FDFT1: variants seen among roughly 807,000 people sequenced by gnomAD.
FDFT1 encodes the protein farnesyl-diphosphate farnesyltransferase 1.
FDFT1 carries 68 observed loss-of-function variants against 46.8 expected under a neutral mutation model. The observed-to-expected ratio is 1.45, with a 90% CI of 1.19 to 1.78. The LOEUF (loss-of-function observed/expected upper bound fraction) is 1.78. Among genes scored for constraint, FDFT1 ranks in the 40% most tolerant of loss-of-function variants. The probability of loss-of-function intolerance (pLI) is 0.00; values close to 1 mark genes in which losing one functional copy is unlikely to be tolerated. For synonymous variants in FDFT1, 351 were observed against 185.1 expected, an observed-to-expected ratio of 1.90 and a Z score of -7.28; for missense variants, 928 against 524.4, an observed-to-expected ratio of 1.77 and a Z score of -7.52.
chr8:11,837,733 T>A (rs904714371), intron 7 of FDFT1, among the ~76,000 whole-genome samples: 1 of 151,976 alleles, frequency 6.6e-6, no homozygotes, highest in African/African-American at 2.4e-5. Flanking sequence ...AGCAGACAGG[T>A]AGATTTGGGA....
At chr8:11,801,422 C>T (rs991743041), upstream of FDFT1, among the ~76,000 whole-genome samples, 2 of 152,166 alleles carry the variant, frequency 1.3e-5, no homozygotes, top group Non-Finnish European at 2.9e-5. Flanking sequence ...TGTGTTCAAG[C>T]GATTCTCCTG....
chr8:11,813,154 T>TA (rs374567892), intron 3 of FDFT1, among the ~76,000 whole-genome samples: 2 of 152,268 alleles, frequency 1.3e-5, no homozygotes, highest in East Asian at 1.9e-4. Flanking sequence ...AACAGGGTGT[T>TA]ACAGTCTTAA....
At chr8:11,814,004 A>C (rs926506508) in intron 3 of FDFT1, among the ~76,000 whole-genome samples, 45 of 152,204 alleles carry the variant, frequency 3.0e-4, no homozygotes, top group Non-Finnish European at 4.1e-4. Flanking sequence ...TACGTAATAA[A>C]TAATAAAAAG....
intron 3 of FDFT1, among the ~76,000 whole-genome samples, chr8:11,817,729 T>C (rs937139186): frequency 6.6e-6 from 1 of 152,212 alleles, no homozygotes; most frequent in Non-Finnish European, 1.5e-5. Flanking sequence ...TATCATTTTT[T>C]ATTACGTCTT....
rs376478508 is a variant in FDFT1 at position 11,832,862 on chromosome 8, T to C, written c.1032+1192T>C. On this transcript the variant is annotated intron_variant, in intron 7 of 7. Transcript: ENST00000220584. Reference sequence around the variant, plus strand: ...TCATTTTTCCTTTGCCTGAGCTCCCTCCCCAGAGGTTACCTCTGTTCATGG... The same window carrying C: ...TCATTTTTCCTTTGCCTGAGCTCCCCCCCCAGAGGTTACCTCTGTTCATGG... 4.1e-4 allele frequency among the ~76,000 whole-genome samples: 63 copies of C among 152,288 alleles called. 2 individuals are homozygous for C. The South Asian group carries it at 0.011, about 28-fold the overall frequency.
At chr8:11,829,718 G>C (rs1810508454) in intron 5 of FDFT1, among the ~76,000 whole-genome samples, 1 of 152,142 alleles carries the variant, frequency 6.6e-6, no homozygotes, top group African/African-American at 2.4e-5. Context: ...CTCACTTCCA[G>C]GTTGCAACTG....
rs919193674 is a variant in FDFT1 at position 11,830,254 on chromosome 8, G to C, written c.713G>C (p.Arg238Thr). 2.5e-6 allele frequency: 4 copies of C among 1,613,666 alleles called. No homozygotes were observed. Among genetic ancestry groups the C allele is most frequent in the Admixed American group, 1.7e-5 (1 of 60,012 alleles). The change falls in exon 6 of 8, where the codon AGG becomes ACG. Residue 238 changes from arginine to threonine, a missense_variant. Coordinates refer to ENST00000220584, the MANE Select transcript of FDFT1 (RefSeq NM_004462.5). ...REFWPQEVWS[R>T]YVKKLGDFAK... Reference sequence around the variant, plus strand: ...TTCTTATCTGTCTAGGTTTGGAGCAGGTATGTTAAGAAGTTAGGGGATTTT... The same window carrying C: ...TTCTTATCTGTCTAGGTTTGGAGCACGTATGTTAAGAAGTTAGGGGATTTT...
chr8:11,809,491 G>A (rs1168474389), intron 2 of FDFT1, 176 bp from the exon 3 acceptor site: 14 of 1,338,054 alleles, frequency 1.0e-5, no homozygotes, highest in Non-Finnish European at 1.3e-5. Context: ...TTACTCTCAT[G>A]TAAGGAAGGA....
intron 4 of FDFT1, among the ~76,000 whole-genome samples, chr8:11,822,304 C>T (rs984768512): frequency 2.0e-4 from 30 of 151,816 alleles, no homozygotes; most frequent in Non-Finnish European, 1.5e-5. Flanking sequence ...ACATTTCAGA[C>T]ATCTAAAGTG....
Position 11,803,571 on chromosome 8 carries a change from G to A in FDFT1, c.99+640G>A, listed in dbSNP as rs1419555581. 4.3e-6 allele frequency: 4 copies of A among 921,510 alleles called. No homozygotes were observed. In the African/African-American group the frequency reaches 5.2e-5, roughly 12 times the overall value. The allele number at this position is 921,510 out of a possible 1,614,324, so 57.1% of individuals were successfully genotyped here. The stretch of plus-strand genomic sequence containing the variant: ...TATCTGCCTCATGCCTGTACTATTT[G>A]TTTAATGAATGCATAGGAGGTGTTT... On this transcript the variant is annotated intron_variant, in intron 1 of 7. Coordinates refer to ENST00000220584, the MANE Select transcript of FDFT1 (RefSeq NM_004462.5).
chr8:11,803,064 C>T (rs992986764), intron 1 of FDFT1, 133 bp downstream of exon 1: 78 of 1,453,546 alleles, frequency 5.4e-5, no homozygotes, highest in Non-Finnish European at 5.7e-5. Context: ...GTTCCCGTCC[C>T]CCTTTCCTCG....
At chr8:11,810,248 A>G (rs1337989224) in intron 3 of FDFT1, among the ~76,000 whole-genome samples, 1 of 152,164 alleles carries the variant, frequency 6.6e-6, no homozygotes, top group Non-Finnish European at 1.5e-5. Flanking sequence ...GTCAAATTTT[A>G]GTGTTGTGAA....
intron 3 of FDFT1, among the ~76,000 whole-genome samples, chr8:11,813,219 A>T (rs982033750): frequency 6.6e-6 from 1 of 152,236 alleles, no homozygotes; most frequent in Admixed American, 6.5e-5. Context: ...TATACAGTAC[A>T]TGAGCACGTA....
At chr8:11,808,768 C>T (rs1284336395) in intron 1 of FDFT1, 26 bp from the exon 2 acceptor site, 1 of 1,601,922 alleles carries the variant, frequency 6.2e-7, no homozygotes, top group Non-Finnish European at 8.5e-7. Flanking sequence ...ACGTCTCCCA[C>T]CGCCGTGTGT....
upstream of FDFT1, among the ~76,000 whole-genome samples, chr8:11,801,123 C>G (rs1359352045): frequency 2.9e-4 from 44 of 152,110 alleles, no homozygotes. Context: ...GTTAGTCAAG[C>G]CAGTATCTGG....
rs879802170 is a variant in FDFT1, at chr8:11,808,346, C to G, written c.100-448C>G. 997 of 1,233,712 alleles carry G rather than the reference C, an allele frequency of 8.1e-4. 2 individuals carry two copies. The highest frequency in any genetic ancestry group is 9.8e-4 in the Non-Finnish European group (967 of 989,666). 76.4% of individuals were successfully genotyped at this position (1,233,712 alleles called of 1,614,324 possible). A position where few individuals can be genotyped will look rare whatever the true frequency, so the allele number is the denominator to read the frequency against. On this transcript the variant is annotated intron_variant, in intron 1 of 7. Transcript: ENST00000220584. ...AGAAGGGCAACAGCGGGAGGAGGCG[C>G]CGGTGCGGAGCGGGAGGCCGGGGGC...
Position 11,830,321 on chromosome 8 carries a change from T to C in FDFT1, c.780T>C (p.Asn260=). Reference sequence around the variant, plus strand: ...TTGACTTGGCCGTGCAGTGCCTGAATGAACTTATAACCAATGCACTGCACC... The same window carrying C: ...TTGACTTGGCCGTGCAGTGCCTGAACGAACTTATAACCAATGCACTGCACC... ...ENIDLAVQCL[N]ELITNALHHI... is the part of the protein sequence containing the mutation. The change falls in exon 6 of 8, where the codon AAT becomes AAC. Residue 260 remains asparagine, a synonymous_variant. Transcript: ENST00000220584. 1.2e-6 allele frequency: 2 copies of C among 1,613,892 alleles called. No individual in the cohort carries two copies. Among genetic ancestry groups the C allele is most frequent in the Non-Finnish European group, 1.7e-6 (2 of 1,179,796 alleles).
intron 7 of FDFT1, among the ~76,000 whole-genome samples, chr8:11,835,329 G>T (rs1416243207): frequency 1.3e-5 from 2 of 152,176 alleles, no homozygotes; most frequent in Non-Finnish European, 2.9e-5. Context: ...CATCTAGAAG[G>T]TCCCTTTGGC....
intron 4 of FDFT1, among the ~76,000 whole-genome samples, chr8:11,824,088 C>T (rs1241519790): frequency 1.3e-5 from 2 of 152,110 alleles, no homozygotes; most frequent in Non-Finnish European, 2.9e-5. Context: ...GTCTAAAACT[C>T]TTGGGCTCAA....
Sources: allele counts gnomAD v4.1 joint callset (sites outside exome capture counted in the v4.1 genomes callset), GRCh38; gene constraint gnomAD v4.1.1; transcripts MANE v1.5; gene names NCBI Gene and HGNC (gene_info 2026-07-23, HGNC 2026-07-21).